Variants in FAH observed in about 807,000 individuals in gnomAD.
FAH encodes fumarylacetoacetate hydrolase, also known as fumarylacetoacetase.
A neutral mutation model predicts 55.8 loss-of-function variants in FAH; 47 were observed. The observed-to-expected ratio is 0.84, with a 90% CI of 0.67 to 1.07. FAH has a LOEUF of 1.07. FAH is among the 50% of genes least tolerant of loss of function. FAH has a pLI of 0.00. For missense variants in FAH, 495 were observed against 545.9 expected (o/e 0.91, Z 0.93); for synonymous variants, 199 against 207.7 (o/e 0.96, Z 0.36).
chr15:80,158,666 A>T (rs999257832), intron 2 of FAH, among the ~76,000 whole-genome samples: 13 of 152,170 alleles, frequency 8.5e-5, no homozygotes, highest in Non-Finnish European at 1.9e-4. Context: ...GCATCTTCTC[A>T]TTGCATGGGT....
chr15:80,161,647 G>A (rs981895701), intron 4 of FAH, among the ~76,000 whole-genome samples: 20 of 152,254 alleles, frequency 1.3e-4, no homozygotes, highest in African/African-American at 4.3e-4. Context: ...CTTGGCACTC[G>A]GGCAGAGTCC....
Position 80,184,897 on chromosome 15 carries a change from C to T in FAH, c.1181-1233C>T, listed in dbSNP as rs112644443. Among the ~76,000 whole-genome samples, 1,162 of 152,252 alleles carry T rather than the reference C, an allele frequency of 7.6e-3. 8 individuals carry two copies. The highest frequency in any genetic ancestry group is 0.011 in the Non-Finnish European group (770 of 68,018). On this transcript the variant is annotated intron_variant, in intron 13 of 13. Transcript: ENST00000561421. ...GTCAAGGCCCAGCTAAGATATCCCC[C>T]CTTCCTGCTCCCTTTCCCTCCATGC... is the stretch of plus-strand genomic sequence containing the variant.
At chr15:80,180,797 A>T (rs1281696330) in intron 12 of FAH, among the ~76,000 whole-genome samples, 1 of 152,142 alleles carries the variant, frequency 6.6e-6, no homozygotes, top group Non-Finnish European at 1.5e-5. Context: ...CTGGTCAGGG[A>T]TTCACTGATT....
At chr15:80,163,874 G>A (rs1043513589) in intron 5 of FAH, among the ~76,000 whole-genome samples, 3 of 152,156 alleles carry the variant, frequency 2.0e-5, no homozygotes, top group Admixed American at 6.5e-5. Context: ...AATGCTTATC[G>A]GTGGAGGAAT....
At chr15:80,162,707 A>C (rs559484050) in intron 5 of FAH, 63 of 354,316 alleles carry the variant, frequency 1.8e-4, no homozygotes, top group Non-Finnish European at 3.3e-4. Flanking sequence ...AGAATCCTCA[A>C]ATGTGCCCAG....
intron 1 of FAH, chr15:80,157,815 C>A (rs1490467841): frequency 3.6e-6 from 2 of 555,420 alleles, no homozygotes; most frequent in Admixed American, 3.0e-5. Flanking sequence ...TTCCCCCAGT[C>A]CAAGGGATAT....
intron 5 of FAH, 150 bp downstream of exon 5, chr15:80,162,486 C>T (rs922129034): frequency 1.1e-5 from 8 of 732,466 alleles, no homozygotes; most frequent in East Asian, 5.4e-5. Flanking sequence ...GCAGTGGTCT[C>T]AGCTTCTGGT....
intron 12 of FAH, 113 bp from the exon 13 acceptor site, chr15:80,180,929 G>T (rs2041325687): frequency 2.5e-6 from 2 of 806,986 alleles, no homozygotes; most frequent in East Asian, 2.6e-5. Flanking sequence ...GTCTCTGAGG[G>T]GCATGAGGGC....
Position 80,168,301 on chromosome 15 carries a change from C to T in FAH, c.591C>T (p.Asp197=), listed in dbSNP as rs779035898. 7 of 1,611,394 alleles carry T rather than the reference C, an allele frequency of 4.3e-6. No homozygotes were observed. Among genetic ancestry groups the T allele is most frequent in the South Asian group, 1.1e-5 (1 of 91,054 alleles). Residue 197 remains aspartate (D), a synonymous_variant, in exon 7 of 14, where the codon GAC becomes GAT. Transcript: ENST00000561421. ...PPVYGACKLL[D]MELEMAFFVG... is the part of the protein sequence containing the mutation. ...TATATGGTGCCTGCAAGCTCTTGGA[C>T]ATGGAGCTGGAAATGGTAAGTGAGC...
chr15:80,173,972 C>T lies in FAH; in HGVS notation c.837+828C>T, dbSNP rs558356244. 8.2e-4 allele frequency among the ~76,000 whole-genome samples: 125 copies of T among 152,304 alleles called. 1 individual carries two copies. The highest frequency in any genetic ancestry group is 1.3e-3 in the Non-Finnish European group (87 of 68,020). ...ACCCGGTGCTGGTCCTGCACCCACACTGCTCTCCCATGCTCCTCTGCCTCT... is the reference window on the plus strand; with the variant it reads ...ACCCGGTGCTGGTCCTGCACCCACATTGCTCTCCCATGCTCCTCTGCCTCT... On this transcript the variant is annotated intron_variant, in intron 9 of 13. Transcript: ENST00000561421.
In FAH at chr15:80,181,117, A is replaced by G. The variant is rs757402643; in HGVS notation, c.1138A>G (p.Thr380Ala). 1 of 1,613,800 alleles carries G rather than the reference A, an allele frequency of 6.2e-7. No homozygotes were observed. Among genetic ancestry groups the G allele is most frequent in the African/African-American group, 1.3e-5 (1 of 74,928 alleles). ...TKPIDLGNGQ[T>A]RKFLLDGDEV... ...GCCCATAGACCTGGGGAATGGTCAG[A>G]CCAGGAAGTTTCTGCTGGACGGGGA... Residue 380 changes from threonine (T) to alanine (A), a missense_variant, in exon 13 of 14, where the codon ACC becomes GCC. Physicochemically the swap from Thr to Ala is moderately conservative, Grantham distance 58 (BLOSUM62 0). Coordinates refer to ENST00000561421, the MANE Select transcript of FAH (RefSeq NM_000137.4).
chr15:80,163,959 A>G (rs1357634452), intron 5 of FAH, among the ~76,000 whole-genome samples: 1 of 152,254 alleles, frequency 6.6e-6, no homozygotes, highest in Non-Finnish European at 1.5e-5. Flanking sequence ...AAAGATGTGC[A>G]CTGATCTGTG....
At chr15:80,179,623 C>A (rs1021524598) in intron 11 of FAH, among the ~76,000 whole-genome samples, 4 of 152,146 alleles carry the variant, frequency 2.6e-5, no homozygotes, top group Admixed American at 2.6e-4. Context: ...GCCCTGACAT[C>A]GTGTTTGAAT....
chr15:80,159,726 T>C, intron 2 of FAH, 30 bp from the exon 3 acceptor site: 1 of 1,614,110 alleles, frequency 6.2e-7, no homozygotes, highest in Non-Finnish European at 8.5e-7. Context: ...TTCCTGTACG[T>C]GATCTTTTTT....
In FAH at chr15:80,173,102, C is replaced by T. The variant is rs2041255077; in HGVS notation, c.795C>T (p.Pro265=). The change falls in exon 9 of 14, where the codon CCC becomes CCT. Residue 265 remains proline (P), a synonymous_variant. Coordinates refer to ENST00000561421, the MANE Select transcript of FAH (RefSeq NM_000137.4). ...CCACTGTCTCTCCGTGGGTGGTGCC[C>T]ATGGATGCTCTCATGCCCTTTGCTG... ...FGTTVSPWVV[P]MDALMPFAVP... is the part of the protein sequence containing the mutation. The T allele has an allele frequency of 6.2e-7, 1 of 1,614,222 alleles. No individual in the cohort carries two copies. The highest frequency in any genetic ancestry group is 8.5e-7 in the Non-Finnish European group (1 of 1,180,042).
At chr15:80,161,705 A>G (rs1843900506) in intron 4 of FAH, among the ~76,000 whole-genome samples, 1 of 152,238 alleles carries the variant, frequency 6.6e-6, no homozygotes, top group African/African-American at 2.4e-5. Flanking sequence ...TCCACAGTCT[A>G]GCAAAGATGT....
intron 13 of FAH, among the ~76,000 whole-genome samples, chr15:80,185,062 G>T (rs2041359336): frequency 6.6e-6 from 1 of 152,138 alleles, no homozygotes; most frequent in Non-Finnish European, 1.5e-5. Flanking sequence ...ATTAAATGAA[G>T]GAAACTAATA....
At chr15:80,169,808 C>T (rs1443850334) in intron 7 of FAH, among the ~76,000 whole-genome samples, 1 of 152,210 alleles carries the variant, frequency 6.6e-6, no homozygotes, top group Non-Finnish European at 1.5e-5. Context: ...GCTTGGATTA[C>T]AGGCATGAGC....
intron 9 of FAH, chr15:80,173,607 GCCTTGACCCCTGGTTCCAGTCCTC>G (rs2041259312): frequency 3.3e-6 from 1 of 302,686 alleles, no homozygotes; most frequent in Non-Finnish European, 6.5e-6. Context: ...CTGGGTCTAG[GCCTTGACCCCTGGTTCCAGTCCTC>G]CCTTCTCAGC....
Sources: allele counts gnomAD v4.1 joint callset (sites outside exome capture counted in the v4.1 genomes callset), GRCh38; gene constraint gnomAD v4.1.1; transcripts MANE v1.5; gene names NCBI Gene and HGNC (gene_info 2026-07-23, HGNC 2026-07-21).